RPS6KA6: variants seen among roughly 807,000 people sequenced by gnomAD.
RPS6KA6 encodes ribosomal protein S6 kinase A6, also known as ribosomal protein S6 kinase alpha-6.
Under a neutral mutation model 65.4 loss-of-function variants are expected in RPS6KA6, and 27 were observed. That is an observed-to-expected ratio of 0.41 (90% confidence interval 0.30 to 0.57). The LOEUF (loss-of-function observed/expected upper bound fraction) is 0.57. RPS6KA6 is among the 20% of genes least tolerant of loss of function. RPS6KA6 has a pLI of 0.24. For synonymous variants in RPS6KA6, 190 were observed against 184.2 expected (o/e 1.03, Z -0.26); for missense variants, 486 against 555.6 (o/e 0.87, Z 1.26).
chrX:84,157,027 T>C (rs761555991), intron 2 of RPS6KA6, among the ~76,000 whole-genome samples: 45 of 112,290 alleles, frequency 4.0e-4, no homozygotes, highest in African/African-American at 1.5e-3. Flanking sequence ...TGTCTATAAA[T>C]CTTGGTAGCA....
intron 8 of RPS6KA6, among the ~76,000 whole-genome samples, chrX:84,130,206 T>A (rs1296271006): frequency 9.0e-6 from 1 of 111,581 alleles, no homozygotes; most frequent in Non-Finnish European, 1.9e-5. Context: ...ATCCAATTTT[T>A]TAATGGGCAA....
chrX:84,170,635 C>CA lies in RPS6KA6; in HGVS notation c.82-6249dup, dbSNP rs200340959. 3.1e-3 allele frequency among the ~76,000 whole-genome samples: 308 copies of CA among 98,646 alleles called. 2 individuals carry two copies. Among genetic ancestry groups the CA allele is most frequent in the Middle Eastern group, 0.01 (2 of 199 alleles). 85.7% of individuals were successfully genotyped at this position (98,646 alleles called of 115,157 possible). A position where few individuals can be genotyped will look rare whatever the true frequency, so the allele number is the denominator to read the frequency against. ...ACAGAGTGAGACTCTGGCTCAAAGG[C>CA]AAAAAAAAACAAAAAACAAAACAAA... On this transcript the variant is annotated intron_variant, in intron 1 of 21. Coordinates refer to ENST00000262752, the MANE Select transcript of RPS6KA6 (RefSeq NM_014496.5).
intron 3 of RPS6KA6, among the ~76,000 whole-genome samples, chrX:84,150,831 A>G (rs2035288922): frequency 9.8e-6 from 1 of 102,325 alleles, no homozygotes; most frequent in African/African-American, 3.5e-5. Context: ...ATATATATAG[A>G]GAGGATATAT....
At chrX:84,093,427 T>C (rs1602397798) in intron 20 of RPS6KA6, among the ~76,000 whole-genome samples, 1 of 111,987 alleles carries the variant, frequency 8.9e-6, no homozygotes, top group East Asian at 2.8e-4. Context: ...TAAAAGGTTC[T>C]CATAGCTCCT....
Position 84,179,632 on chromosome X carries a change from C to T in RPS6KA6, c.81+8187G>A, listed in dbSNP as rs1057315963. ...TTTGAAAATCCGTATTGACTGACCTCCCTTAAGAGATTCTATAAGTATTCA... is the reference window on the plus strand; with the variant it reads ...TTTGAAAATCCGTATTGACTGACCTTCCTTAAGAGATTCTATAAGTATTCA... On this transcript the variant is annotated intron_variant, in intron 1 of 21. Coordinates refer to ENST00000262752, the MANE Select transcript of RPS6KA6 (RefSeq NM_014496.5). Among the ~76,000 whole-genome samples the T allele has an allele frequency of 2.7e-5, 3 of 111,755 alleles. No homozygotes were observed. The Admixed American group carries it at 2.8e-4, about 11-fold the overall frequency.
At chrX:84,101,975 A>T (rs2034267052) in intron 18 of RPS6KA6, 62 bp downstream of exon 18, 1 of 922,156 alleles carries the variant, frequency 1.1e-6, no homozygotes, top group Admixed American at 3.1e-5. Context: ...TTCATATGGC[A>T]TCATATAGAT....
At chrX:84,120,155 G>C in intron 8 of RPS6KA6, 128 bp from the exon 9 acceptor site, 1 of 388,717 alleles carries the variant, frequency 2.6e-6, no homozygotes, top group East Asian at 4.5e-5. Context: ...TCTTAAGAAA[G>C]TTCCTGTGAG....
At chrX:84,086,137 GTTTT>G (rs1326703359) in intron 20 of RPS6KA6, among the ~76,000 whole-genome samples, 7 of 110,681 alleles carry the variant, frequency 6.3e-5, no homozygotes, top group African/African-American at 2.3e-4. Context: ...CTTTTTGAGG[GTTTT>G]TTGTGTCTCT....
At chrX:84,134,538 T>A (rs1282187041) in intron 8 of RPS6KA6, among the ~76,000 whole-genome samples, 2 of 111,338 alleles carry the variant, frequency 1.8e-5, no homozygotes, top group Admixed American at 1.9e-4. Context: ...AGATGATGTA[T>A]TGTTACCTAG....
rs775341086 is a variant in RPS6KA6 at position 84,156,717 on chromosome X, C to T, written c.142-526G>A. Reference sequence around the variant, plus strand: ...CAACAAATGTTTCCAGGCTATGGCCCGTTTACTGAAATTTTATACATAAAT... The same window carrying T: ...CAACAAATGTTTCCAGGCTATGGCCTGTTTACTGAAATTTTATACATAAAT... On this transcript the variant is annotated intron_variant, in intron 2 of 21. Transcript: ENST00000262752. 9.9e-5 allele frequency among the ~76,000 whole-genome samples: 11 copies of T among 111,506 alleles called. No homozygotes were observed. In the South Asian group the frequency reaches 3.4e-3, roughly 34 times the overall value.
intron 6 of RPS6KA6, among the ~76,000 whole-genome samples, chrX:84,145,122 G>A (rs1160052852): frequency 9.0e-6 from 1 of 110,825 alleles, no homozygotes; most frequent in Non-Finnish European, 1.9e-5. Context: ...TTATGAAATT[G>A]TATACTTTAG....
chrX:84,162,395 T>C (rs892742461), intron 2 of RPS6KA6, among the ~76,000 whole-genome samples: 7 of 111,752 alleles, frequency 6.3e-5, no homozygotes, highest in African/African-American at 2.3e-4. Flanking sequence ...CCAAAGTACA[T>C]GGTTTCAAGT....
intron 8 of RPS6KA6, among the ~76,000 whole-genome samples, chrX:84,122,961 A>C (rs758678851): frequency 1.2e-4 from 13 of 111,868 alleles, no homozygotes; most frequent in African/African-American, 3.9e-4. Flanking sequence ...AGGAAGGAAC[A>C]AAAAGTAAAG....
Position 84,070,288 on chromosome X carries a change from G to T in RPS6KA6, c.1972-5177C>A, listed in dbSNP as rs1389409420. ...AAACCATCATTGTCAGCAAACTAACGCAGGAACAGAAAACAAAACACCAGG... is the reference window on the plus strand; with the variant it reads ...AAACCATCATTGTCAGCAAACTAACTCAGGAACAGAAAACAAAACACCAGG... On this transcript the variant is annotated intron_variant, in intron 20 of 21. Coordinates refer to ENST00000262752, the MANE Select transcript of RPS6KA6 (RefSeq NM_014496.5). Among the ~76,000 whole-genome samples the T allele has an allele frequency of 3.6e-5, 4 of 111,143 alleles. No individual in the cohort carries two copies. The South Asian group carries it at 1.1e-3, about 32-fold the overall frequency.
chrX:84,096,731 A>AT (rs1399436305), intron 19 of RPS6KA6, among the ~76,000 whole-genome samples: 2 of 111,409 alleles, frequency 1.8e-5, no homozygotes, highest in Non-Finnish European at 3.8e-5. Context: ...ATTCATTAAC[A>AT]TTTCATCATT....
chrX:84,153,323 A>G (rs1244378976), intron 3 of RPS6KA6, among the ~76,000 whole-genome samples: 3 of 111,738 alleles, frequency 2.7e-5, no homozygotes, highest in Non-Finnish European at 5.7e-5. Flanking sequence ...GGCACATGAT[A>G]TATAAGGACG....
intron 8 of RPS6KA6, among the ~76,000 whole-genome samples, chrX:84,130,307 A>G (rs1177580520): frequency 9.0e-6 from 1 of 111,724 alleles, no homozygotes; most frequent in East Asian, 2.8e-4. Flanking sequence ...TAAAACCATG[A>G]TAATTCTACC....
intron 20 of RPS6KA6, among the ~76,000 whole-genome samples, chrX:84,068,012 C>T (rs2033443723): frequency 9.0e-6 from 1 of 111,584 alleles, no homozygotes; most frequent in East Asian, 2.8e-4. Flanking sequence ...TCATATACAG[C>T]CAAACTAAAC....
At chrX:84,100,477 T>C (rs1282499285) in intron 18 of RPS6KA6, among the ~76,000 whole-genome samples, 5 of 111,402 alleles carry the variant, frequency 4.5e-5, no homozygotes, top group Non-Finnish European at 9.5e-5. Flanking sequence ...CAGTGAGAAG[T>C]TGCCATAATA....
Sources: allele counts gnomAD v4.1 joint callset (sites outside exome capture counted in the v4.1 genomes callset), GRCh38; gene constraint gnomAD v4.1.1; transcripts MANE v1.5; gene names NCBI Gene and HGNC (gene_info 2026-07-23, HGNC 2026-07-21).